Variants in PLCB2 observed in about 807,000 individuals in gnomAD.
PLCB2 encodes phospholipase C beta 2.
A neutral mutation model predicts 141.7 loss-of-function variants in PLCB2; 115 were observed. The ratio of observed to expected loss-of-function variants is 0.81; its 90% CI spans 0.70 to 0.95. The LOEUF (loss-of-function observed/expected upper bound fraction) is 0.95. Ranked by LOEUF, PLCB2 falls within the 40% of genes least tolerant of loss-of-function variation. The pLI, the probability that PLCB2 is intolerant of heterozygous loss-of-function variation, is 0.00. For synonymous variants in PLCB2, 603 were observed against 595.6 expected (o/e 1.01, Z -0.18); for missense variants, 1,403 against 1,541.1 (o/e 0.91, Z 1.50).
In PLCB2 at chr15:40,303,359, G is replaced by A; in HGVS notation, c.163-3C>T. 1.2e-6 allele frequency: 2 copies of A among 1,612,072 alleles called. No individual in the cohort carries two copies. Among genetic ancestry groups the A allele is most frequent in the East Asian group, 2.2e-5 (1 of 44,870 alleles). On this transcript the variant is annotated splice_region_variant and splice_polypyrimidine_tract_variant and intron_variant, in intron 2 of 31. Transcript: ENST00000260402. ...GTGATATCCAGAAACTCCATCTCCTGGGGGCAGGGTGCGGATCCCGGTGGG... is the reference window on the plus strand; with the variant it reads ...GTGATATCCAGAAACTCCATCTCCTAGGGGCAGGGTGCGGATCCCGGTGGG...
At chr15:40,293,435 C>T in intron 20 of PLCB2, 125 bp downstream of exon 20, 1 of 944,294 alleles carries the variant, frequency 1.1e-6, no homozygotes, top group Non-Finnish European at 1.6e-6. Flanking sequence ...AACAGGAGGG[C>T]CCAGGGTGAG....
intron 20 of PLCB2, 149 bp from the exon 21 acceptor site, chr15:40,293,174 C>T: frequency 1.7e-6 from 1 of 602,872 alleles, no homozygotes. Flanking sequence ...CACTCTAGGC[C>T]ATATACAAAG....
intron 19 of PLCB2, 140 bp from the exon 20 acceptor site, chr15:40,293,864 TAG>T (rs60865038): frequency 0.079 from 62,719 of 798,538 alleles, 3,461 homozygotes; most frequent in African/African-American, 0.18. Flanking sequence ...TGGCCATGAG[TAG>T]AGAGGCTGTG....
intron 19 of PLCB2, 145 bp from the exon 20 acceptor site, chr15:40,293,869 A>G (rs2040059555): frequency 1.3e-6 from 1 of 746,560 alleles, no homozygotes; most frequent in Non-Finnish European, 2.1e-6. Context: ...ATGAGTAGAG[A>G]GGCTGTGTAG....
chr15:40,291,936 G>T lies in PLCB2; in HGVS notation c.2527-12C>A. On this transcript the variant is annotated splice_polypyrimidine_tract_variant and intron_variant, in intron 23 of 31. Coordinates refer to ENST00000260402, the MANE Select transcript of PLCB2 (RefSeq NM_004573.3). Reference sequence around the variant, plus strand: ...AGTGGGAAGGGCTTCTGTGTAGGGAGAGCAGGTCAGGAAGGTGGCTTGACA... The same window carrying T: ...AGTGGGAAGGGCTTCTGTGTAGGGATAGCAGGTCAGGAAGGTGGCTTGACA... The T allele has an allele frequency of 6.2e-7, 1 of 1,614,002 alleles. No individual in the cohort carries two copies.
chr15:40,307,541 G>T (rs2040858508), intron 1 of PLCB2, 48 bp downstream of exon 1: 3 of 1,234,640 alleles, frequency 2.4e-6, no homozygotes, highest in African/African-American at 3.0e-5. Context: ...TAGCAGCCCG[G>T]CCCCCACCAC....
chr15:40,303,949 GC>G, intron 2 of PLCB2, 51 bp downstream of exon 2: 1 of 1,272,930 alleles, frequency 7.9e-7, no homozygotes, highest in Non-Finnish European at 1.1e-6. Context: ...GGGCTGTCTG[GC>G]CTCAATGATA....
At chr15:40,289,082 C>G (rs1303157432) in intron 31 of PLCB2, 164 bp from the exon 32 acceptor site, 1 of 1,160,048 alleles carries the variant, frequency 8.6e-7, no homozygotes, top group Non-Finnish European at 1.2e-6. Flanking sequence ...TCAGGAGCCT[C>G]TCAGGAAAGG....
chr15:40,292,236 C>T, intron 22 of PLCB2, 78 bp from the exon 23 acceptor site: 2 of 1,497,258 alleles, frequency 1.3e-6, no homozygotes, highest in East Asian at 2.3e-5. Context: ...TCACCCACTC[C>T]AGGATGCCCC....
chr15:40,302,269 C>T lies in PLCB2; in HGVS notation c.452+1G>A, dbSNP rs2040553554. The T allele has an allele frequency of 1.2e-6, 2 of 1,614,188 alleles. No individual in the cohort carries two copies. The highest frequency in any genetic ancestry group is 1.7e-6 in the Non-Finnish European group (2 of 1,180,010). ...GCTCAGGCCAGGCAGAGGGCACTTA[C>T]ATCTTGTCCAGGAAGGTGCTGCGGG... is the stretch of plus-strand genomic sequence containing the variant. On this transcript the variant is annotated splice_donor_variant, in intron 5 of 31. Transcript: ENST00000260402. LOFTEE classifies it high-confidence loss of function.
chr15:40,287,675 G>A (rs538390376), downstream of PLCB2, among the ~76,000 whole-genome samples: 7 of 152,226 alleles, frequency 4.6e-5, no homozygotes, highest in South Asian at 2.1e-4. Flanking sequence ...GTGTGGGGGC[G>A]AAGAGGGGGT....
rs967617301 is a variant in PLCB2 at position 40,302,574 on chromosome 15, A to G, written c.267T>C (p.Phe89=). ...QKLRDVFNMD[F]PDNSFLLKTL... ...TCTTCAGCAGGAAACTGTTATCAGGAAAGTCCATGTTGAAGACGTCCCGGA... is the reference window on the plus strand; with the variant it reads ...TCTTCAGCAGGAAACTGTTATCAGGGAAGTCCATGTTGAAGACGTCCCGGA... The change falls in exon 4 of 32, where the codon TTT becomes TTC. Residue 89 remains phenylalanine, a synonymous_variant. Coordinates refer to ENST00000260402, the MANE Select transcript of PLCB2 (RefSeq NM_004573.3). The G allele has an allele frequency of 6.2e-7, 1 of 1,614,146 alleles. No individual in the cohort carries two copies. Among genetic ancestry groups the G allele is most frequent in the Non-Finnish European group, 8.5e-7 (1 of 1,180,014 alleles).
chr15:40,285,700 G>A (rs72731481), downstream of PLCB2: 4,603 of 985,368 alleles, frequency 4.7e-3, 13 homozygotes, highest in Admixed American at 7.7e-3. Flanking sequence ...TCAGCACTGT[G>A]AGGGAAATTG....
In PLCB2 at chr15:40,288,346, G is replaced by A; in HGVS notation, c.*369C>T. 9.8e-7 allele frequency: 1 copy of A among 1,017,694 alleles called. No individual in the cohort carries two copies. The highest frequency in any genetic ancestry group is 1.2e-6 in the Non-Finnish European group (1 of 850,996). 63.0% of individuals were successfully genotyped at this position (1,017,694 alleles called of 1,614,324 possible). ...GGAGGTGAGTGGGTCCAACCCTCCA[G>A]GTGAGGAAACTGAGCCCAGAGCTGG... On this transcript the variant is annotated 3_prime_UTR_variant, in exon 32 of 32. Transcript: ENST00000260402.
chr15:40,303,375 T>TC lies in PLCB2; in HGVS notation c.163-20dup, dbSNP rs766364863. On this transcript the variant is annotated intron_variant, in intron 2 of 31. Transcript: ENST00000260402. Reference sequence around the variant, plus strand: ...CCATCTCCTGGGGGCAGGGTGCGGATCCCGGTGGGAGCAAAGAAGGGATGT... The same window carrying TC: ...CCATCTCCTGGGGGCAGGGTGCGGATCCCCGGTGGGAGCAAAGAAGGGATGT... 1 of 1,592,448 alleles carries TC rather than the reference T, an allele frequency of 6.3e-7. No homozygotes were observed. Among genetic ancestry groups the TC allele is most frequent in the East Asian group, 2.2e-5 (1 of 44,800 alleles).
intron 1 of PLCB2, 74 bp downstream of exon 1, chr15:40,307,515 C>T: frequency 1.0e-6 from 1 of 957,858 alleles, no homozygotes; most frequent in Non-Finnish European, 1.6e-6. Context: ...AATCCTCCCA[C>T]CCAAGCAAAG....
chr15:40,289,173 C>T, intron 31 of PLCB2, 99 bp downstream of exon 31: 1 of 1,148,018 alleles, frequency 8.7e-7, no homozygotes, highest in Non-Finnish European at 1.3e-6. Flanking sequence ...TGATGGCCCC[C>T]TTCCCCTACC....
Position 40,288,914 on chromosome 15 carries a change from TG to T in PLCB2, c.3358del (p.Gln1120ArgfsTer12). ...EQIREMEKQF[Q>X]KEALAEYEAR... ...CTCGTACTCTGCCAGCGCCTCCTTCTGGAACTGTGGAGACAGCAAGGACCCC... is the reference window on the plus strand; with the variant it reads ...CTCGTACTCTGCCAGCGCCTCCTTCTGAACTGTGGAGACAGCAAGGACCCC... On this transcript the variant is annotated frameshift_variant, in exon 32 of 32. Coordinates refer to ENST00000260402, the MANE Select transcript of PLCB2 (RefSeq NM_004573.3). LOFTEE classifies it low-confidence loss of function (END_TRUNC). 6.2e-7 allele frequency: 1 copy of T among 1,612,644 alleles called. No individual in the cohort carries two copies. The highest frequency in any genetic ancestry group is 1.1e-5 in the South Asian group (1 of 91,054).
chr15:40,292,103 CTT>C lies in PLCB2; in HGVS notation c.2485_2486del (p.Lys829ValfsTer13). Reference protein sequence around the residue: ...PIKFFSAHDTKSVKLKEAMGG... With the variant: ...PIKFFSAHDTXSVKLKEAMGG... ...CCATGGCCTCCTTGAGCTTCACAGA[CTT>C]CGTGTCATGGGCACTGAAGAACTTA... On this transcript the variant is annotated frameshift_variant, in exon 23 of 32. Coordinates refer to ENST00000260402, the MANE Select transcript of PLCB2 (RefSeq NM_004573.3). LOFTEE classifies it high-confidence loss of function. 1 of 1,614,232 alleles carries C rather than the reference CTT, an allele frequency of 6.2e-7. No individual in the cohort carries two copies. Among genetic ancestry groups the C allele is most frequent in the East Asian group, 2.2e-5 (1 of 44,884 alleles).
Sources: allele counts gnomAD v4.1 joint callset (sites outside exome capture counted in the v4.1 genomes callset), GRCh38; gene constraint gnomAD v4.1.1; transcripts MANE v1.5; gene names NCBI Gene and HGNC (gene_info 2026-07-23, HGNC 2026-07-21).